The following FAM117A variants were observed in gnomAD, a reference collection of about 807,000 sequenced individuals.
FAM117A encodes the protein protein FAM117A.
A neutral mutation model predicts 44.1 loss-of-function variants in FAM117A; 21 were observed. The ratio of observed to expected loss-of-function variants is 0.48; its 90% CI spans 0.34 to 0.69. FAM117A has a LOEUF of 0.69. Ranked by LOEUF, FAM117A falls within the 30% of genes least tolerant of loss-of-function variation. The pLI, the probability that FAM117A is intolerant of heterozygous loss-of-function variation, is 0.01. For missense variants in FAM117A, 498 were observed against 589.9 expected (o/e 0.84, Z 1.61); for synonymous variants, 220 against 238.3 (o/e 0.92, Z 0.71).
At chr17:49,762,348 C>A (rs1461382740) in intron 1 of FAM117A, among the ~76,000 whole-genome samples, 1 of 152,210 alleles carries the variant, frequency 6.6e-6, no homozygotes, top group Admixed American at 6.5e-5. Flanking sequence ...TGCTTTATAA[C>A]TCATGATAGG....
At chr17:49,771,176 C>T (rs766313899) in intron 1 of FAM117A, among the ~76,000 whole-genome samples, 2 of 152,070 alleles carry the variant, frequency 1.3e-5, no homozygotes, top group African/African-American at 2.4e-5. Flanking sequence ...CACTGCACTC[C>T]GGCCCAGGCA....
chr17:49,771,342 T>G (rs1307309424), intron 1 of FAM117A, among the ~76,000 whole-genome samples: 1 of 152,250 alleles, frequency 6.6e-6, no homozygotes, highest in Non-Finnish European at 1.5e-5. Context: ...AGATTGATGA[T>G]GTGTGGGAGA....
chr17:49,760,036 G>A (rs908858688), intron 1 of FAM117A, among the ~76,000 whole-genome samples: 2 of 152,188 alleles, frequency 1.3e-5, no homozygotes. Context: ...GGTTAAGAGA[G>A]GAGAGGGGGC....
At chr17:49,771,790 CTG>C (rs1443277534) in intron 1 of FAM117A, among the ~76,000 whole-genome samples, 1 of 152,194 alleles carries the variant, frequency 6.6e-6, no homozygotes, top group Non-Finnish European at 1.5e-5. Flanking sequence ...TCCCAGGAGA[CTG>C]TGTATAAACC....
chr17:49,740,922 G>A (rs886097788), intron 1 of FAM117A, among the ~76,000 whole-genome samples: 11 of 152,292 alleles, frequency 7.2e-5, no homozygotes, highest in African/African-American at 2.4e-4. Flanking sequence ...TCTTCTCAGC[G>A]TGACCAGAGA....
intron 2 of FAM117A, among the ~76,000 whole-genome samples, chr17:49,728,688 A>G (rs75167913): frequency 0.038 from 5,718 of 152,258 alleles, 369 homozygotes; most frequent in African/African-American, 0.13. Flanking sequence ...CAAGAAGGGA[A>G]AGGGGTAACT....
At chr17:49,730,057 G>A (rs573787674) in intron 2 of FAM117A, among the ~76,000 whole-genome samples, 8 of 152,182 alleles carry the variant, frequency 5.3e-5, no homozygotes, top group African/African-American at 1.4e-4. Context: ...GACCAGGCCC[G>A]GGGGCTTAAG....
At chr17:49,772,589 A>C (rs1407529370) in intron 1 of FAM117A, among the ~76,000 whole-genome samples, 2 of 151,872 alleles carry the variant, frequency 1.3e-5, no homozygotes, top group African/African-American at 4.8e-5. Context: ...ATCTCTACTA[A>C]AAATAGAAAA....
At chr17:49,746,706 T>C (rs531333114) in intron 1 of FAM117A, among the ~76,000 whole-genome samples, 1 of 152,224 alleles carries the variant, frequency 6.6e-6, no homozygotes. Flanking sequence ...TTGTCATGAT[T>C]GCTCTTCAAA....
At chr17:49,744,121 G>T (rs1450080929) in intron 1 of FAM117A, among the ~76,000 whole-genome samples, 1 of 152,088 alleles carries the variant, frequency 6.6e-6, no homozygotes, top group Non-Finnish European at 1.5e-5. Flanking sequence ...AAAACAAACT[G>T]CCAGACAGCA....
chr17:49,773,910 C>G (rs891929007), intron 1 of FAM117A, among the ~76,000 whole-genome samples: 1 of 152,048 alleles, frequency 6.6e-6, no homozygotes, highest in African/African-American at 2.4e-5. Flanking sequence ...TGCGCCACCA[C>G]GCCCAGCTAA....
chr17:49,766,700 C>G (rs565339527), upstream of FAM117A, among the ~76,000 whole-genome samples: 1 of 152,184 alleles, frequency 6.6e-6, no homozygotes, highest in Non-Finnish European at 1.5e-5. Context: ...CTGAGCCAGA[C>G]AATGTGTGTT....
intron 1 of FAM117A, among the ~76,000 whole-genome samples, chr17:49,758,522 G>A (rs1374795548): frequency 1.3e-5 from 2 of 151,174 alleles, no homozygotes; most frequent in Admixed American, 6.6e-5. Flanking sequence ...TACTTGGGAG[G>A]CTGAGGCAGG....
chr17:49,740,309 G>A (rs1489150176), intron 1 of FAM117A, among the ~76,000 whole-genome samples: 4 of 151,330 alleles, frequency 2.6e-5, no homozygotes, highest in South Asian at 2.1e-4. Context: ...GTGCAGTGGC[G>A]CGATCTCGGC....
intron 1 of FAM117A, among the ~76,000 whole-genome samples, chr17:49,748,907 A>C (rs1427127033): frequency 6.6e-6 from 1 of 152,192 alleles, no homozygotes; most frequent in Non-Finnish European, 1.5e-5. Flanking sequence ...AGGGGCCGGC[A>C]CACAAGCGGC....
chr17:49,741,139 G>A (rs913187738), intron 1 of FAM117A, among the ~76,000 whole-genome samples: 3 of 151,962 alleles, frequency 2.0e-5, no homozygotes, highest in Non-Finnish European at 4.4e-5. Context: ...AGGAAAATGA[G>A]AGAGGCAGCC....
intron 2 of FAM117A, among the ~76,000 whole-genome samples, chr17:49,727,589 G>T (rs993105799): frequency 1.3e-5 from 2 of 152,164 alleles, no homozygotes; most frequent in African/African-American, 4.8e-5. Flanking sequence ...CCAGACCAAG[G>T]AAGCCTTGCC....
intron 1 of FAM117A, among the ~76,000 whole-genome samples, chr17:49,736,392 G>T (rs1302069242): frequency 2.2e-4 from 33 of 152,040 alleles, no homozygotes; most frequent in Admixed American, 2.0e-3. Flanking sequence ...AAATAACTGG[G>T]ACTACAGGCA....
chr17:49,789,005 A>T (rs1055870343), upstream of FAM117A: 2 of 597,926 alleles, frequency 3.3e-6, no homozygotes, highest in Non-Finnish European at 5.4e-6. Flanking sequence ...CAACAGAAAA[A>T]TGTGGGCCCG....
Sources: allele counts gnomAD v4.1 joint callset (sites outside exome capture counted in the v4.1 genomes callset), GRCh38; gene constraint gnomAD v4.1.1; transcripts MANE v1.5; gene names NCBI Gene and HGNC (gene_info 2026-07-23, HGNC 2026-07-21).